The following ZNF407 variants were observed in gnomAD, a reference collection of about 807,000 sequenced individuals.
The protein encoded by ZNF407 is zinc finger protein 407.
ZNF407 carries 17 observed loss-of-function variants against 131.2 expected under a neutral mutation model. The ratio of observed to expected loss-of-function variants is 0.13; its 90% CI spans 0.09 to 0.19. ZNF407 has a LOEUF of 0.19. ZNF407 is among the 10% of genes least tolerant of loss of function. The pLI, the probability that ZNF407 is intolerant of heterozygous loss-of-function variation, is 1.00. For synonymous variants in ZNF407, 1,156 were observed against 1,062.0 expected (o/e 1.09, Z -1.72); for missense variants, 2,681 against 2,830.6 (o/e 0.95, Z 1.20).
chr18:74,905,751 G>T (rs1330906556), intron 7 of ZNF407: 1 of 152,166 alleles, frequency 6.6e-6, no homozygotes, highest in Non-Finnish European at 1.5e-5. Flanking sequence ...ATGAGTAAAT[G>T]ATCTAATGGA....
At chr18:74,903,210 C>T (rs1467895301) in intron 7 of ZNF407, among the ~76,000 whole-genome samples, 2 of 152,162 alleles carry the variant, frequency 1.3e-5, no homozygotes, top group Non-Finnish European at 2.9e-5. Context: ...CTTGAACTCT[C>T]AGAAATATTG....
intron 1 of ZNF407, among the ~76,000 whole-genome samples, chr18:74,624,256 G>C (rs1041674431): frequency 6.6e-6 from 1 of 152,156 alleles, no homozygotes; most frequent in Non-Finnish European, 1.5e-5. Context: ...ATCTGCCTCA[G>C]AAAAATGAGG....
At chr18:74,972,554 A>G (rs1469439282) in intron 8 of ZNF407, among the ~76,000 whole-genome samples, 2 of 152,168 alleles carry the variant, frequency 1.3e-5, no homozygotes, top group African/African-American at 2.4e-5. Context: ...GAGCTGCTCA[A>G]ATCTGGACTG....
At chr18:74,904,859 A>C (rs1456134741) in intron 7 of ZNF407, among the ~76,000 whole-genome samples, 1 of 152,228 alleles carries the variant, frequency 6.6e-6, no homozygotes, top group African/African-American at 2.4e-5. Flanking sequence ...ATCAATATGT[A>C]AGTTTACTGT....
At chr18:74,700,817 C>G (rs899120073) in intron 3 of ZNF407, among the ~76,000 whole-genome samples, 4 of 152,116 alleles carry the variant, frequency 2.6e-5, no homozygotes, top group Admixed American at 1.3e-4. Context: ...CTTCTGGAAC[C>G]TGTTCTTTTT....
intron 4 of ZNF407, among the ~76,000 whole-genome samples, chr18:74,809,566 CTTCTG>C (rs2145085819): frequency 6.6e-6 from 1 of 152,272 alleles, no homozygotes; most frequent in East Asian, 1.9e-4. Flanking sequence ...GAATGCCTTT[CTTCTG>C]TTAAGTGAGG....
At chr18:74,894,443 A>G (rs1459705528) in intron 7 of ZNF407, among the ~76,000 whole-genome samples, 2 of 152,110 alleles carry the variant, frequency 1.3e-5, no homozygotes, top group Non-Finnish European at 2.9e-5. Flanking sequence ...GAAATAGAAA[A>G]AAAATTAGTG....
intron 3 of ZNF407, among the ~76,000 whole-genome samples, chr18:74,712,795 T>A (rs1967798065): frequency 6.6e-6 from 1 of 152,134 alleles, no homozygotes; most frequent in Admixed American, 6.5e-5. Context: ...CAGTTGGCTA[T>A]CCAGGAAGGG....
intron 7 of ZNF407, among the ~76,000 whole-genome samples, chr18:74,916,981 T>C (rs1279933990): frequency 1.3e-5 from 2 of 151,456 alleles, no homozygotes; most frequent in African/African-American, 4.9e-5. Flanking sequence ...CTTCTTCTTC[T>C]TGGTAACTTT....
At chr18:74,734,907 T>C (rs1039696752) in intron 3 of ZNF407, among the ~76,000 whole-genome samples, 8 of 152,148 alleles carry the variant, frequency 5.3e-5, no homozygotes, top group African/African-American at 1.9e-4. Context: ...ATAGGAATGA[T>C]CTCTTTATTT....
intron 4 of ZNF407, among the ~76,000 whole-genome samples, chr18:74,793,789 T>A (rs749681366): frequency 6.6e-6 from 1 of 152,186 alleles, no homozygotes; most frequent in Non-Finnish European, 1.5e-5. Flanking sequence ...ACTGACCATG[T>A]TGTCGGGAAG....
At chr18:74,986,997 C>T (rs1273992174) in intron 8 of ZNF407, among the ~76,000 whole-genome samples, 1 of 151,286 alleles carries the variant, frequency 6.6e-6, no homozygotes, top group Non-Finnish European at 1.5e-5. Context: ...GACTAGTATC[C>T]TTCATGTAAA....
intron 3 of ZNF407, among the ~76,000 whole-genome samples, chr18:74,763,330 G>C (rs1394861337): frequency 6.8e-6 from 1 of 146,514 alleles, no homozygotes; most frequent in Admixed American, 6.9e-5. Flanking sequence ...ATTTCTTTTT[G>C]TATGCTAGAG....
intron 3 of ZNF407, among the ~76,000 whole-genome samples, chr18:74,742,378 A>G (rs1278260758): frequency 9.9e-5 from 15 of 152,196 alleles, no homozygotes; most frequent in South Asian, 2.1e-4. Context: ...GTGAAGAGTA[A>G]TTTAATGAGA....
chr18:74,765,924 G>T (rs1318796048), intron 3 of ZNF407, among the ~76,000 whole-genome samples: 2 of 151,854 alleles, frequency 1.3e-5, no homozygotes, highest in Non-Finnish European at 2.9e-5. Flanking sequence ...GGATAAAACT[G>T]GTTCTGATTA....
chr18:74,801,982 A>C (rs2145071505), intron 4 of ZNF407, among the ~76,000 whole-genome samples: 1 of 152,236 alleles, frequency 6.6e-6, no homozygotes, highest in East Asian at 1.9e-4. Context: ...CATTTTTGTC[A>C]GAATTCTTAA....
chr18:74,987,251 A>G (rs962116524), intron 8 of ZNF407, among the ~76,000 whole-genome samples: 1 of 152,178 alleles, frequency 6.6e-6, no homozygotes, highest in African/African-American at 2.4e-5. Context: ...CCATACATAG[A>G]TAAGTCCAAA....
At chr18:74,767,814 T>A (rs890567569) in intron 3 of ZNF407, among the ~76,000 whole-genome samples, 4 of 118,608 alleles carry the variant, frequency 3.4e-5, no homozygotes, top group Non-Finnish European at 6.9e-5. Context: ...CCACCACGCC[T>A]GGCTAATTTT....
intron 8 of ZNF407, among the ~76,000 whole-genome samples, chr18:74,942,605 A>G (rs1010393042): frequency 6.6e-6 from 1 of 152,202 alleles, no homozygotes; most frequent in Non-Finnish European, 1.5e-5. Context: ...TGCTTTTTAT[A>G]AGGCAGTTGG....
Sources: allele counts gnomAD v4.1 joint callset (sites outside exome capture counted in the v4.1 genomes callset), GRCh38; gene constraint gnomAD v4.1.1; transcripts MANE v1.5; gene names NCBI Gene and HGNC (gene_info 2026-07-23, HGNC 2026-07-21).